Variants in ATP13A5 observed in about 807,000 individuals in gnomAD.
ATP13A5 encodes the protein ATPase 13A5, also known as probable cation-transporting ATPase 13A5.
A neutral mutation model predicts 150.2 loss-of-function variants in ATP13A5; 149 were observed. The observed-to-expected ratio is 0.99, with a 90% CI of 0.87 to 1.14. The LOEUF (loss-of-function observed/expected upper bound fraction) is 1.14, where lower values mean the gene tolerates loss of function less well. Among genes scored for constraint, ATP13A5 ranks in the 50% most tolerant of loss-of-function variants. The probability of loss-of-function intolerance (pLI) is 0.00; values close to 1 mark genes in which losing one functional copy is unlikely to be tolerated. For missense variants in ATP13A5, 1,383 were observed against 1,449.3 expected, an observed-to-expected ratio of 0.95 and a Z score of 0.74; for synonymous variants, 497 against 522.2, an observed-to-expected ratio of 0.95 and a Z score of 0.66.
intron 18 of ATP13A5, 108 bp from the exon 19 acceptor site, chr3:193,314,301 C>T (rs1718965728): frequency 4.6e-5 from 56 of 1,223,270 alleles, no homozygotes; most frequent in South Asian, 8.8e-5. Context: ...GAGCATTTAC[C>T]GCTTTCTGCC....
At chr3:193,279,496 G>T in intron 27 of ATP13A5, 42 bp from the exon 28 acceptor site, 1 of 1,537,602 alleles carries the variant, frequency 6.5e-7, no homozygotes, top group Non-Finnish European at 9.0e-7. Flanking sequence ...TTAAAAGAAT[G>T]TTTCATATAA....
rs1353809494 is a variant in ATP13A5 at position 193,299,206 on chromosome 3, G to A, written c.2776-3C>T. The A allele has an allele frequency of 3.1e-6, 5 of 1,605,510 alleles. No homozygotes were observed. Among genetic ancestry groups the A allele is most frequent in the African/African-American group, 1.3e-5 (1 of 74,578 alleles). On this transcript the variant is annotated splice_polypyrimidine_tract_variant and splice_region_variant and intron_variant, in intron 24 of 29. Transcript: ENST00000342358. ...TAATTTCCAAAGAGTTGTAGTTGCT[G>A]AAAAAGAAACAAAAGCAAATATAAA...
rs868251407 is a variant in ATP13A5 at position 193,344,957 on chromosome 3, C to T, written c.814+46G>A. 6.0e-5 allele frequency: 90 copies of T among 1,504,964 alleles called. No homozygotes were observed. The Middle Eastern group carries it at 3.1e-3, about 51-fold the overall frequency. The allele number at this position is 1,504,964 out of a possible 1,614,324, so 93.2% of individuals were successfully genotyped here. A position where few individuals can be genotyped will look rare whatever the true frequency, so the allele number is the denominator to read the frequency against. ...ATTAAGGACAAATGAGACCAATTCC[C>T]CCCTGAAATATTAAGATGCTGAAGA... On this transcript the variant is annotated intron_variant, in intron 8 of 29. Coordinates refer to ENST00000342358, the MANE Select transcript of ATP13A5 (RefSeq NM_198505.4).
chr3:193,326,591 A>ATT, intron 13 of ATP13A5, among the ~76,000 whole-genome samples: 1 of 151,998 alleles, frequency 6.6e-6, no homozygotes, highest in Non-Finnish European at 1.5e-5. Flanking sequence ...AATAGTAACA[A>ATT]TTTTCATGGC....
chr3:193,281,111 A>C (rs1560111324), intron 27 of ATP13A5: 2 of 843,790 alleles, frequency 2.4e-6, no homozygotes, highest in African/African-American at 3.7e-5. Context: ...TAGGAATTGC[A>C]TCTCTCAGGA....
chr3:193,297,742 G>GCT (rs1470553059), intron 25 of ATP13A5, among the ~76,000 whole-genome samples: 1 of 152,064 alleles, frequency 6.6e-6, no homozygotes, highest in Non-Finnish European at 1.5e-5. Context: ...CTGGCATGAG[G>GCT]CTCAACAGGC....
chr3:193,340,784 A>G (rs1712087243), intron 9 of ATP13A5, among the ~76,000 whole-genome samples: 1 of 152,210 alleles, frequency 6.6e-6, no homozygotes, highest in Non-Finnish European at 1.5e-5. Context: ...TATAACTTAT[A>G]ACTGTTGAAA....
intron 1 of ATP13A5, among the ~76,000 whole-genome samples, chr3:193,368,392 T>TTTGTGTG (rs1553823591): frequency 2.7e-5 from 4 of 147,248 alleles, no homozygotes; most frequent in Non-Finnish European, 4.5e-5. Flanking sequence ...CTCTTCAGAC[T>TTTGTGTG]TGTGTGTGTG....
Position 193,324,933 on chromosome 3 carries a change from A to G in ATP13A5, c.1605T>C (p.Ser535=). The G allele has an allele frequency of 6.2e-7, 1 of 1,614,210 alleles. No individual in the cohort carries two copies. The highest frequency in any genetic ancestry group is 8.5e-7 in the Non-Finnish European group (1 of 1,180,010). ...GGATGGTCCCATTGAGAAGGATCAGAGAGTGGCAGCTGGCCATGGCCGCAC... is the reference window on the plus strand; with the variant it reads ...GGATGGTCCCATTGAGAAGGATCAGGGAGTGGCAGCTGGCCATGGCCGCAC... The part of the protein sequence containing the change: ...PLCAAMASCH[S]LILLNGTIQG... Residue 535 remains serine (S), a synonymous_variant, in exon 14 of 30, where the codon TCT becomes TCC. Coordinates refer to ENST00000342358, the MANE Select transcript of ATP13A5 (RefSeq NM_198505.4).
intron 9 of ATP13A5, 50 bp downstream of exon 9, chr3:193,343,877 T>C (rs1712220029): frequency 6.3e-7 from 1 of 1,585,034 alleles, no homozygotes; most frequent in Admixed American, 1.8e-5. Context: ...GATATGTTGA[T>C]CTGATTAGAT....
chr3:193,310,610 C>G, intron 21 of ATP13A5, 28 bp downstream of exon 21: 4 of 1,550,706 alleles, frequency 2.6e-6, no homozygotes, highest in Non-Finnish European at 3.5e-6. Context: ...TTAATGAGCA[C>G]ACTCTTCTTT....
At chr3:193,369,201 A>G (rs1247754208) in intron 1 of ATP13A5, among the ~76,000 whole-genome samples, 1 of 151,578 alleles carries the variant, frequency 6.6e-6, no homozygotes, top group Non-Finnish European at 1.5e-5. Flanking sequence ...CCATAATTGC[A>G]CCACTTCCAC....
At chr3:193,328,943 C>T (rs555722620) in intron 12 of ATP13A5, among the ~76,000 whole-genome samples, 85 of 152,288 alleles carry the variant, frequency 5.6e-4, no homozygotes, top group African/African-American at 1.9e-3. Flanking sequence ...ATCTGCTTTT[C>T]TTAAAAAGTC....
intron 27 of ATP13A5, among the ~76,000 whole-genome samples, chr3:193,281,695 T>C (rs1343364839): frequency 6.6e-6 from 1 of 152,226 alleles, no homozygotes; most frequent in Non-Finnish European, 1.5e-5. Flanking sequence ...CTAGAGGCTT[T>C]TGACTTATAA....
intron 1 of ATP13A5, among the ~76,000 whole-genome samples, chr3:193,377,474 T>C (rs1209305601): frequency 1.3e-5 from 2 of 152,294 alleles, no homozygotes; most frequent in South Asian, 2.1e-4. Context: ...ATGTTTTACT[T>C]TTTTTTACTA....
In ATP13A5 at chr3:193,307,334, TCGTTAGCTC is replaced by T. The variant is rs1315971938; in HGVS notation, c.2552_2560del (p.Gly851_Asn853del). On this transcript the variant is annotated inframe_deletion, in exon 22 of 30. Transcript: ENST00000342358. ...AAAGCCATTTCTACTCACCCCACAGTCGTTAGCTCCATCTCCACACATGCCCACATAATA... is the reference window on the plus strand; with the variant it reads ...AAAGCCATTTCTACTCACCCCACAGTCATCTCCACACATGCCCACATAATA... 2 of 1,613,708 alleles carry T rather than the reference TCGTTAGCTC, an allele frequency of 1.2e-6. No individual in the cohort carries two copies. Among genetic ancestry groups the T allele is most frequent in the Non-Finnish European group, 1.7e-6 (2 of 1,179,870 alleles).
intron 1 of ATP13A5, among the ~76,000 whole-genome samples, chr3:193,367,760 T>C (rs1391143549): frequency 1.3e-5 from 2 of 152,158 alleles, no homozygotes; most frequent in Non-Finnish European, 2.9e-5. Context: ...AAAAGACTTA[T>C]ACAATTCTAC....
intron 9 of ATP13A5, among the ~76,000 whole-genome samples, chr3:193,342,447 A>G (rs1273779480): frequency 6.6e-6 from 1 of 152,220 alleles, no homozygotes; most frequent in Admixed American, 6.5e-5. Flanking sequence ...GAAGTTAACA[A>G]AAAAGAAATA....
chr3:193,275,490 C>T (rs1297162406), intron 29 of ATP13A5, among the ~76,000 whole-genome samples, 188 bp from the exon 30 acceptor site: 3 of 152,196 alleles, frequency 2.0e-5, no homozygotes, highest in Admixed American at 6.5e-5. Context: ...CTTGTTTTCA[C>T]GGAAATCTGC....
Sources: allele counts gnomAD v4.1 joint callset (sites outside exome capture counted in the v4.1 genomes callset), GRCh38; gene constraint gnomAD v4.1.1; transcripts MANE v1.5; gene names NCBI Gene and HGNC (gene_info 2026-07-23, HGNC 2026-07-21).